The following LRRIQ1 variants were observed in gnomAD, a reference collection of about 807,000 sequenced individuals.
LRRIQ1 encodes leucine-rich repeat- and IQ domain-containing protein 1.
Under a neutral mutation model 211.9 loss-of-function variants are expected in LRRIQ1, and 210 were observed. The ratio of observed to expected loss-of-function variants is 0.99; its 90% CI spans 0.89 to 1.11. The LOEUF is 1.11. Ranked by LOEUF, LRRIQ1 falls within the 50% of genes most tolerant of loss-of-function variation. The pLI is 0.00. For synonymous variants in LRRIQ1, 699 were observed against 650.1 expected, an observed-to-expected ratio of 1.08 and a Z score of -1.14; for missense variants, 2,136 against 1,939.5, an observed-to-expected ratio of 1.10 and a Z score of -1.90.
chr12:85,234,191 T>A (rs1895076153), intron 26 of LRRIQ1, among the ~76,000 whole-genome samples: 1 of 152,258 alleles, frequency 6.6e-6, no homozygotes, highest in Non-Finnish European at 1.5e-5. Context: ...GACTTGAGAT[T>A]GCACAACTGT....
chr12:85,062,140 TATA>T (rs1424889843), intron 8 of LRRIQ1, among the ~76,000 whole-genome samples: 1 of 151,898 alleles, frequency 6.6e-6, no homozygotes, highest in East Asian at 1.9e-4. Context: ...CCAATTTTAA[TATA>T]ATGTTTTTAT....
intron 24 of LRRIQ1, among the ~76,000 whole-genome samples, chr12:85,215,774 T>C (rs1894049277): frequency 6.6e-6 from 1 of 152,016 alleles, no homozygotes; most frequent in Non-Finnish European, 1.5e-5. Context: ...ATTCATATAG[T>C]GAAATATACA....
intron 24 of LRRIQ1, among the ~76,000 whole-genome samples, chr12:85,217,718 A>ATTTATATATG (rs1894214876): frequency 1.5e-5 from 2 of 135,376 alleles, no homozygotes; most frequent in Non-Finnish European, 3.0e-5. Flanking sequence ...GTGTGTATAT[A>ATTTATATATG]TGTATATATG....
intron 19 of LRRIQ1, among the ~76,000 whole-genome samples, chr12:85,146,315 G>A (rs1285276087): frequency 6.6e-6 from 1 of 151,760 alleles, no homozygotes; most frequent in African/African-American, 2.4e-5. Flanking sequence ...TGGGATGACT[G>A]AGGATGGGGA....
chr12:85,127,801 A>C, intron 17 of LRRIQ1, 31 bp from the exon 18 acceptor site: 1 of 1,585,336 alleles, frequency 6.3e-7, no homozygotes, highest in Non-Finnish European at 8.6e-7. Context: ...ATAATAAAAA[A>C]AGTGTGTGTT....
chr12:85,098,519 T>G lies in LRRIQ1; in HGVS notation c.3052T>G (p.Leu1018Val), dbSNP rs1356001773. 2 of 1,609,526 alleles carry G rather than the reference T, an allele frequency of 1.2e-6. No individual in the cohort carries two copies. The highest frequency in any genetic ancestry group is 1.7e-6 in the Non-Finnish European group (2 of 1,178,202). Residue 1018 changes from leucine to valine, a missense_variant, in exon 12 of 27, where the codon TTG (leucine) becomes GTG (valine). Leu to Val is a conservative substitution (Grantham distance 32, BLOSUM62 1). Transcript: ENST00000393217. ...TGAAAATTGTGGATTGCTCCAAATA[T>G]TGAAGTTACAGGGAAATTATCTGAG... ...GVENCGLLQI[L>V]KLQGNYLSEL...
intron 26 of LRRIQ1, among the ~76,000 whole-genome samples, chr12:85,237,657 T>C (rs1199634449): frequency 6.6e-6 from 1 of 152,076 alleles, no homozygotes; most frequent in African/African-American, 2.4e-5. Context: ...GTTAAGACCA[T>C]GTAAAGTTAA....
chr12:85,055,296 T>C (rs964596192), intron 7 of LRRIQ1, among the ~76,000 whole-genome samples: 1 of 152,110 alleles, frequency 6.6e-6, no homozygotes, highest in Non-Finnish European at 1.5e-5. Flanking sequence ...CAAGGAAATC[T>C]TCAATTCATA....
chr12:85,068,502 G>A (rs1208915293), intron 10 of LRRIQ1, among the ~76,000 whole-genome samples: 1 of 151,634 alleles, frequency 6.6e-6, no homozygotes, highest in Admixed American at 6.6e-5. Context: ...TTGGGGTTTT[G>A]ATTTCATTTT....
the LRRIQ1 span, among the ~76,000 whole-genome samples, chr12:85,271,524 T>C: frequency 6.6e-6 from 1 of 152,112 alleles, no homozygotes; most frequent in Admixed American, 6.5e-5. Context: ...ACAAAATAGC[T>C]TCATATTATT....
chr12:85,047,163 T>TA (rs1379272112), intron 5 of LRRIQ1, 84 bp from the exon 6 acceptor site: 2 of 629,762 alleles, frequency 3.2e-6, no homozygotes, highest in South Asian at 2.5e-5. Flanking sequence ...AAAAAAAAAT[T>TA]AAAAAAATTA....
At chr12:85,099,452 C>T (rs941763473) in intron 13 of LRRIQ1, among the ~76,000 whole-genome samples, 1 of 151,706 alleles carries the variant, frequency 6.6e-6, no homozygotes, top group Non-Finnish European at 1.5e-5. Context: ...TTTGTTTTCC[C>T]TAAGGATATA....
At chr12:85,095,053 A>T (rs974339388) in intron 11 of LRRIQ1, among the ~76,000 whole-genome samples, 24 of 152,158 alleles carry the variant, frequency 1.6e-4, no homozygotes, top group Non-Finnish European at 3.1e-4. Flanking sequence ...GTAGAATCAC[A>T]TCATCAGAAA....
rs572868026 is a variant in LRRIQ1, at chr12:85,220,421, A to T, written c.4823-9096A>T. Among the ~76,000 whole-genome samples the T allele has an allele frequency of 2.0e-4, 31 of 152,178 alleles. 1 individual carries two copies. Among genetic ancestry groups the T allele is most frequent in the Middle Eastern group, 6.8e-3 (2 of 294 alleles). ...TTTAGAAAACTGATTTATTTGAAGC[A>T]TATGGGTTTAATGAACACTTTTGTT... is the stretch of plus-strand genomic sequence containing the variant. On this transcript the variant is annotated intron_variant, in intron 24 of 26. Transcript: ENST00000393217.
chr12:85,196,112 C>T (rs1283327475), intron 24 of LRRIQ1, among the ~76,000 whole-genome samples: 5 of 152,104 alleles, frequency 3.3e-5, no homozygotes, highest in Non-Finnish European at 5.9e-5. Context: ...AGGAATCCAA[C>T]TTACAAGGGA....
At chr12:85,183,334 C>T (rs1015565897) in intron 24 of LRRIQ1, among the ~76,000 whole-genome samples, 2 of 151,832 alleles carry the variant, frequency 1.3e-5, no homozygotes, top group African/African-American at 2.4e-5. Context: ...TTTTTTCCAG[C>T]GACAAGTTTC....
At chr12:85,104,717 G>A (rs1396831418) in intron 14 of LRRIQ1, among the ~76,000 whole-genome samples, 7 of 151,912 alleles carry the variant, frequency 4.6e-5, no homozygotes, top group African/African-American at 1.7e-4. Context: ...TTGATTGTTT[G>A]TGGTTGGGGG....
chr12:85,232,768 G>A lies in LRRIQ1; in HGVS notation c.5016+12G>A, dbSNP rs185374117. 870 of 1,605,338 alleles carry A rather than the reference G, an allele frequency of 5.4e-4. 3 individuals carry two copies. The highest frequency in any genetic ancestry group is 3.6e-3 in the South Asian group (323 of 90,740). ...GAGTTCAGCTTGTGGTAAGAAATGT[G>A]CTTAAAGTTACAGAAAAATGTTGTA... On this transcript the variant is annotated intron_variant, in intron 26 of 26. Coordinates refer to ENST00000393217, the MANE Select transcript of LRRIQ1 (RefSeq NM_001079910.2).
At chr12:85,044,127 C>T (rs1022727697) in intron 3 of LRRIQ1, among the ~76,000 whole-genome samples, 8 of 151,790 alleles carry the variant, frequency 5.3e-5, no homozygotes, top group Non-Finnish European at 1.0e-4. Flanking sequence ...ATCAGTTAGC[C>T]AGCAGAATGG....
Sources: gnomAD v4.1 joint callset for allele counts (sites outside exome capture counted in the v4.1 genomes callset) on GRCh38, gnomAD v4.1.1 for gene constraint, MANE v1.5 for transcripts, NCBI Gene and HGNC (gene_info 2026-07-23, HGNC 2026-07-21) for gene names.